Variants in FHIP1A observed in about 807,000 individuals in gnomAD.
The protein encoded by FHIP1A is FHF complex subunit HOOK-interacting protein 1A.
A neutral mutation model predicts 88.6 loss-of-function variants in FHIP1A; 61 were observed. That is an observed-to-expected ratio of 0.69 (90% CI 0.56 to 0.85). FHIP1A has a LOEUF of 0.85. Among genes scored for constraint, FHIP1A ranks in the 40% least tolerant of loss-of-function variants. FHIP1A has a pLI of 0.00. For synonymous variants in FHIP1A, 478 were observed against 496.0 expected (o/e 0.96, Z 0.48); for missense variants, 1,154 against 1,273.5 (o/e 0.91, Z 1.43).
intron 5 of FHIP1A, among the ~76,000 whole-genome samples, chr4:151,581,327 T>C (rs1438837112): frequency 6.6e-6 from 1 of 152,056 alleles, no homozygotes; most frequent in Non-Finnish European, 1.5e-5. Context: ...GAGATTGGAG[T>C]AGGGTGCAGT....
At chr4:151,427,183 A>G (rs1260229850) in intron 1 of FHIP1A, among the ~76,000 whole-genome samples, 5 of 152,162 alleles carry the variant, frequency 3.3e-5, no homozygotes, top group Non-Finnish European at 7.4e-5. Flanking sequence ...AATAATGCTT[A>G]GGTTGTGACT....
intron 9 of FHIP1A, among the ~76,000 whole-genome samples, chr4:151,645,288 C>T (rs192183767): frequency 2.4e-4 from 37 of 152,188 alleles, no homozygotes; most frequent in Middle Eastern, 3.4e-3. Flanking sequence ...GGTTAAGTGG[C>T]AAGTTTGCTA....
intron 7 of FHIP1A, among the ~76,000 whole-genome samples, chr4:151,607,534 C>A (rs1482664766): frequency 6.6e-6 from 1 of 152,144 alleles, no homozygotes; most frequent in African/African-American, 2.4e-5. Context: ...AAAGTGTGTA[C>A]CATCTAATAT....
At chr4:151,441,775 A>G (rs1251309703) in intron 1 of FHIP1A, among the ~76,000 whole-genome samples, 1 of 152,190 alleles carries the variant, frequency 6.6e-6, no homozygotes, top group East Asian at 1.9e-4. Flanking sequence ...TGTTCTGTGC[A>G]GATTAATCTA....
At position 151,578,084 on chromosome 4, in the gene FHIP1A, T is replaced by C. The variant is rs879818277; in HGVS notation, c.732+8T>C. ...AACACCTACTTTTGTCCAGTAAGTC[T>C]CTTTCCTTGGCATGTTTTCCACTCA... is the stretch of plus-strand genomic sequence containing the variant. On this transcript the variant is annotated splice_region_variant and intron_variant, in intron 5 of 13. Transcript: ENST00000435205. The C allele has an allele frequency of 1.3e-6, 2 of 1,544,454 alleles. No homozygotes were observed. The highest frequency in any genetic ancestry group is 1.4e-5 in the African/African-American group (1 of 72,630).
rs113566687 is a variant in FHIP1A at position 151,534,195 on chromosome 4, A to T, written c.-122-31943A>T. ...TTAAGGAAACCTGAATTTGAGGCCC[A>T]CCTTTGCAAACTCCAGTTTTCTCAT... On this transcript the variant is annotated intron_variant, in intron 3 of 13. Coordinates refer to ENST00000435205, the MANE Select transcript of FHIP1A (RefSeq NM_001109977.3). Among the ~76,000 whole-genome samples the T allele has an allele frequency of 5.7e-3, 861 of 152,320 alleles. 9 individuals carry two copies. The highest frequency in any genetic ancestry group is 0.02 in the African/African-American group (812 of 41,576).
chr4:151,617,704 G>T (rs1282789282), intron 7 of FHIP1A, among the ~76,000 whole-genome samples: 1 of 152,030 alleles, frequency 6.6e-6, no homozygotes, highest in Non-Finnish European at 1.5e-5. Context: ...TGGCTGACAT[G>T]GTGAAACCCC....
At chr4:151,623,521 C>CTTTTT (rs747837424) in intron 7 of FHIP1A, among the ~76,000 whole-genome samples, 6 of 88,202 alleles carry the variant, frequency 6.8e-5, no homozygotes, top group Non-Finnish European at 8.7e-5. Flanking sequence ...CTTCCTGGTC[C>CTTTTT]TTTTTTTTTT....
intron 10 of FHIP1A, 77 bp from the exon 11 acceptor site, chr4:151,649,382 C>T (rs549725285): frequency 1.5e-5 from 16 of 1,045,954 alleles, no homozygotes; most frequent in East Asian, 2.6e-5. Flanking sequence ...AGTCTTAGCC[C>T]GAATGGGTCA....
intron 3 of FHIP1A, among the ~76,000 whole-genome samples, chr4:151,526,542 A>T (rs1731656324): frequency 9.0e-6 from 1 of 110,604 alleles, no homozygotes; most frequent in African/African-American, 3.4e-5. Flanking sequence ...GGGGCTACTC[A>T]CTTCCCAGTA....
intron 13 of FHIP1A, among the ~76,000 whole-genome samples, chr4:151,660,543 C>G (rs892293767): frequency 6.6e-6 from 1 of 152,174 alleles, no homozygotes; most frequent in Non-Finnish European, 1.5e-5. Flanking sequence ...TGTTTATTAG[C>G]TTCTGTGAAT....
At chr4:151,577,072 C>CT (rs1413023658) in intron 4 of FHIP1A, among the ~76,000 whole-genome samples, 2 of 152,152 alleles carry the variant, frequency 1.3e-5, no homozygotes, top group Non-Finnish European at 2.9e-5. Context: ...TATTATGCAT[C>CT]TAACATCTAC....
chr4:151,477,870 A>G (rs892314672), intron 2 of FHIP1A, among the ~76,000 whole-genome samples: 1 of 152,162 alleles, frequency 6.6e-6, no homozygotes, highest in Non-Finnish European at 1.5e-5. Flanking sequence ...ACATTAGTCT[A>G]TTTAGTGGGC....
chr4:151,471,740 A>G (rs1200635388), intron 2 of FHIP1A, among the ~76,000 whole-genome samples: 2 of 151,940 alleles, frequency 1.3e-5, no homozygotes, highest in African/African-American at 2.4e-5. Flanking sequence ...ACTGCACCCA[A>G]TTTGTATTCT....
At chr4:151,576,463 A>G (rs1382851731) in intron 4 of FHIP1A, among the ~76,000 whole-genome samples, 1 of 152,092 alleles carries the variant, frequency 6.6e-6, no homozygotes, top group Non-Finnish European at 1.5e-5. Context: ...CACCACACCC[A>G]GCTAATTTTT....
chr4:151,543,037 A>G (rs1228147943), intron 3 of FHIP1A, among the ~76,000 whole-genome samples: 5 of 152,190 alleles, frequency 3.3e-5, no homozygotes, highest in Admixed American at 3.3e-4. Flanking sequence ...GTTAGCACTT[A>G]TGTATTGCTA....
intron 8 of FHIP1A, among the ~76,000 whole-genome samples, chr4:151,637,604 T>C (rs1294057661): frequency 6.6e-6 from 1 of 152,156 alleles, no homozygotes; most frequent in African/African-American, 2.4e-5. Context: ...GGAAAGGAAG[T>C]GTTGGATGGT....
At chr4:151,506,160 G>A (rs978825621) in intron 3 of FHIP1A, among the ~76,000 whole-genome samples, 4 of 151,884 alleles carry the variant, frequency 2.6e-5, no homozygotes, top group South Asian at 2.1e-4. Context: ...CCCCTGTCTT[G>A]GCCTCTCCAA....
intron 3 of FHIP1A, among the ~76,000 whole-genome samples, chr4:151,525,346 GA>G (rs1280360738): frequency 6.6e-6 from 1 of 152,216 alleles, no homozygotes; most frequent in Non-Finnish European, 1.5e-5. Context: ...AGCAACTTGA[GA>G]AACACATTGA....
Sources: gnomAD v4.1 joint callset for allele counts (sites outside exome capture counted in the v4.1 genomes callset) on GRCh38, gnomAD v4.1.1 for gene constraint, MANE v1.5 for transcripts, NCBI Gene and HGNC (gene_info 2026-07-23, HGNC 2026-07-21) for gene names.